The following FLT1 variants were observed in gnomAD, a reference collection of about 807,000 sequenced individuals.
FLT1 encodes fms related receptor tyrosine kinase 1, also known as vascular endothelial growth factor receptor 1.
In FLT1, 49 loss-of-function variants were observed where a neutral mutation model predicts 156.3. The ratio of observed to expected loss-of-function variants is 0.31; its 90% CI spans 0.25 to 0.40. The LOEUF is 0.40. Ranked by LOEUF, FLT1 falls within the 10% of genes least tolerant of loss-of-function variation. The pLI is 1.00. For synonymous variants in FLT1, 594 were observed against 583.8 expected (o/e 1.02, Z -0.25); for missense variants, 1,322 against 1,637.2 (o/e 0.81, Z 3.32).
In FLT1 at chr13:28,467,797, T is replaced by C. The variant is rs183973665; in HGVS notation, c.65-180A>G. Among the ~76,000 whole-genome samples the C allele has an allele frequency of 3.3e-5, 5 of 152,290 alleles. No individual in the cohort carries two copies. The East Asian group carries it at 9.6e-4, about 29-fold the overall frequency. On this transcript the variant is annotated intron_variant, in intron 1 of 29. Coordinates refer to ENST00000282397, the MANE Select transcript of FLT1 (RefSeq NM_002019.4). ...AAATTTCTCTTAATTCACAAATTTT[T>C]TCTAGCTCTACCCTTGCTCATAAAT...
chr13:28,404,716 T>G (rs962243445), intron 11 of FLT1, among the ~76,000 whole-genome samples: 6 of 152,106 alleles, frequency 3.9e-5, no homozygotes, highest in African/African-American at 1.2e-4. Flanking sequence ...CTTGATATGT[T>G]TTTTCTTTTT....
At position 28,303,328 on chromosome 13, in the gene FLT1, C is replaced by T. The variant is rs1368509935; in HGVS notation, c.3856G>A (p.Asp1286Asn). ...TSKSKESGLS[D>N]VSRPSFCHSS... ...TGGCAGAAACTGGGCCTGCTGACAT[C>T]AGACAGCCCCGACTCCTTACTTTTA... The change falls in exon 30 of 30, where the codon GAT becomes AAT. Residue 1286 changes from aspartate (D) to asparagine (N), a missense_variant. By Grantham distance (23) the Asp-to-Asn change is conservative. Around this residue, in one of 3 missense-constraint regions of FLT1, gnomAD observed 329 missense variants for 366.2 expected, o/e 0.90. Transcript: ENST00000282397. 1.5e-5 allele frequency: 25 copies of T among 1,614,134 alleles called. No homozygotes were observed. The highest frequency in any genetic ancestry group is 2.0e-5 in the Non-Finnish European group (24 of 1,180,028).
intron 1 of FLT1, among the ~76,000 whole-genome samples, chr13:28,472,968 G>A (rs7985882): frequency 0.033 from 5,059 of 152,130 alleles, 271 homozygotes; most frequent in African/African-American, 0.11. Flanking sequence ...TCCCAAAGAA[G>A]ATATATAAAT....
intron 14 of FLT1, among the ~76,000 whole-genome samples, chr13:28,360,486 C>T (rs1381080298): frequency 6.6e-6 from 1 of 152,154 alleles, no homozygotes; most frequent in Non-Finnish European, 1.5e-5. Context: ...TGTATATATA[C>T]AATGGAATAC....
At chr13:28,440,135 T>C (rs1878254456) in intron 3 of FLT1, among the ~76,000 whole-genome samples, 1 of 152,198 alleles carries the variant, frequency 6.6e-6, no homozygotes, top group South Asian at 2.1e-4. Context: ...ATTAGGGACT[T>C]TCCCAGTGTT....
chr13:28,399,167 G>A (rs982792061), intron 11 of FLT1: 1 of 1,342,910 alleles, frequency 7.4e-7, no homozygotes, highest in Non-Finnish European at 1.0e-6. Flanking sequence ...CCCTTACATT[G>A]TCTCAGGAAG....
intron 6 of FLT1, among the ~76,000 whole-genome samples, chr13:28,432,192 G>A (rs1877730057): frequency 6.6e-6 from 1 of 152,034 alleles, no homozygotes; most frequent in Admixed American, 6.6e-5. Context: ...AGGGGGCGGA[G>A]GGGAGGAGCA....
intron 23 of FLT1, among the ~76,000 whole-genome samples, chr13:28,320,841 A>G (rs1263126215): frequency 6.6e-6 from 1 of 152,122 alleles, no homozygotes; most frequent in Non-Finnish European, 1.5e-5. Context: ...GCCCAGACAT[A>G]AGCTTAACCC....
intron 15 of FLT1, among the ~76,000 whole-genome samples, chr13:28,356,879 TG>T (rs1463279552): frequency 2.0e-5 from 3 of 152,204 alleles, no homozygotes; most frequent in Admixed American, 6.5e-5. Flanking sequence ...ATTAGAGAAT[TG>T]AAACTGAGGT....
intron 11 of FLT1, among the ~76,000 whole-genome samples, chr13:28,403,147 G>T (rs1875563291): frequency 6.6e-6 from 1 of 152,136 alleles, no homozygotes; most frequent in Non-Finnish European, 1.5e-5. Flanking sequence ...GCTAAGGCAA[G>T]TATCATTAGT....
In FLT1 at chr13:28,301,014, T is replaced by C. The variant is rs1037173132; in HGVS notation, c.*2153A>G. 16 of 232,762 alleles carry C rather than the reference T, an allele frequency of 6.9e-5. No individual in the cohort carries two copies. The highest frequency in any genetic ancestry group is 1.1e-4 in the Non-Finnish European group (13 of 117,856). The allele number at this position is 232,762 out of a possible 1,614,324, so 14.4% of individuals were successfully genotyped here. On this transcript the variant is annotated 3_prime_UTR_variant, in exon 30 of 30. Coordinates refer to ENST00000282397, the MANE Select transcript of FLT1 (RefSeq NM_002019.4). ...CTCATGTATGCTACAAACCTGAGTTTGAAGGAGCTGAGTAACAATTCTAAT... is the reference window on the plus strand; with the variant it reads ...CTCATGTATGCTACAAACCTGAGTTCGAAGGAGCTGAGTAACAATTCTAAT...
intron 3 of FLT1, among the ~76,000 whole-genome samples, chr13:28,459,397 T>A (rs999529771): frequency 1.3e-5 from 2 of 152,218 alleles, no homozygotes; most frequent in African/African-American, 4.8e-5. Flanking sequence ...AACCAGTTCC[T>A]ACTGGAAGAT....
chr13:28,438,472 A>T, intron 3 of FLT1, 127 bp from the exon 4 acceptor site: 1 of 738,378 alleles, frequency 1.4e-6, no homozygotes. Flanking sequence ...TGTAATCCAT[A>T]CATTCACATC....
chr13:28,313,981 G>A (rs903641649), intron 25 of FLT1, among the ~76,000 whole-genome samples: 3 of 151,712 alleles, frequency 2.0e-5, no homozygotes, highest in African/African-American at 7.3e-5. Context: ...ACAATCGTTT[G>A]AGGTCAGGAG....
chr13:28,488,424 A>G (rs1270293743), intron 1 of FLT1, among the ~76,000 whole-genome samples: 1 of 152,124 alleles, frequency 6.6e-6, no homozygotes, highest in Non-Finnish European at 1.5e-5. Flanking sequence ...GGACCCTGAC[A>G]CCAGAACTGA....
At position 28,334,025 on chromosome 13, in the gene FLT1, C is replaced by A; in HGVS notation, c.2593G>T (p.Glu865Ter). The change falls in exon 18 of 30, where the codon GAG becomes TAG. Residue 865 changes from glutamate to a stop codon, truncating the protein, a stop_gained and splice_region_variant. Transcript: ENST00000282397. LOFTEE classifies it high-confidence loss of function. ...GAAAGCCAAACTACAGCATACATAC[C>A]TTTCAGCATTTTCACAGCCACAGTC... The part of the protein sequence containing the change: ...CRTVAVKMLK[E>*]GATASEYKAL... 1 of 1,596,956 alleles carries A rather than the reference C, an allele frequency of 6.3e-7. No individual in the cohort carries two copies. The highest frequency in any genetic ancestry group is 1.7e-5 in the Admixed American group (1 of 60,004).
chr13:28,433,713 C>A, intron 6 of FLT1, 106 bp downstream of exon 6: 2 of 1,062,916 alleles, frequency 1.9e-6, no homozygotes, highest in Non-Finnish European at 2.9e-6. Flanking sequence ...ACTAACACTG[C>A]CACAGGAGTC....
chr13:28,439,172 G>T lies in FLT1; in HGVS notation c.389-827C>A, dbSNP rs1471471219. On this transcript the variant is annotated intron_variant, in intron 3 of 29. Transcript: ENST00000282397. This position sits in a 1 kb window ranked among gnomAD's most constrained non-coding sequence, Gnocchi z 4.1. Reference sequence around the variant, plus strand: ...CCTCAGGGAACCAGAATGAGTCCAAGATCCTTTTAGAAACATTCTCAGTCT... The same window carrying T: ...CCTCAGGGAACCAGAATGAGTCCAATATCCTTTTAGAAACATTCTCAGTCT... Among the ~76,000 whole-genome samples, 1 of 152,170 alleles carries T rather than the reference G, an allele frequency of 6.6e-6. No homozygotes were observed. The highest frequency in any genetic ancestry group is 1.5e-5 in the Non-Finnish European group (1 of 68,036).
Position 28,439,300 on chromosome 13 carries a change from T to C in FLT1, c.389-955A>G, listed in dbSNP as rs1057328177. Among the ~76,000 whole-genome samples, 92 of 152,344 alleles carry C rather than the reference T, an allele frequency of 6.0e-4. No homozygotes were observed. The highest frequency in any genetic ancestry group is 2.2e-3 in the African/African-American group (92 of 41,578). On this transcript the variant is annotated intron_variant, in intron 3 of 29. Coordinates refer to ENST00000282397, the MANE Select transcript of FLT1 (RefSeq NM_002019.4). The surrounding 1 kb of genome is among the most constrained non-coding windows in gnomAD (Gnocchi z 4.1). The stretch of plus-strand genomic sequence containing the variant: ...CCGCATTTGTTCCAGCCTTATATAC[T>C]AAATGGAAAGAAGTCCTGTGTGAAC...
Sources: allele counts gnomAD v4.1 joint callset (sites outside exome capture counted in the v4.1 genomes callset), GRCh38; gene constraint gnomAD v4.1.1; regional missense constraint gnomAD v4.1.1; non-coding constraint Gnocchi (gnomAD v3.1); transcripts MANE v1.5; gene names NCBI Gene and HGNC (gene_info 2026-07-23, HGNC 2026-07-21).